Variants in ATP6V0A1 observed in about 807,000 individuals in gnomAD.
ATP6V0A1 encodes the protein V-type proton ATPase 116 kDa subunit a 1.
Under a neutral mutation model 105.4 loss-of-function variants are expected in ATP6V0A1, and 43 were observed. The observed-to-expected ratio is 0.41, with a 90% CI of 0.32 to 0.53. The LOEUF (loss-of-function observed/expected upper bound fraction) is 0.53. Ranked by LOEUF, ATP6V0A1 falls within the 20% of genes least tolerant of loss-of-function variation. The probability of loss-of-function intolerance (pLI) is 0.30; values close to 1 mark genes in which losing one functional copy is unlikely to be tolerated. For missense variants in ATP6V0A1, 676 were observed against 1,051.1 expected (o/e 0.64, Z 4.93); for synonymous variants, 362 against 372.8 (o/e 0.97, Z 0.33).
chr17:42,496,294 T>C (rs2091173891), intron 14 of ATP6V0A1: 1 of 152,200 alleles, frequency 6.6e-6, no homozygotes, highest in Non-Finnish European at 1.5e-5. Context: ...TTCCCATTTC[T>C]TAATTTATTT....
chr17:42,512,779 G>A (rs1375468781), intron 19 of ATP6V0A1, among the ~76,000 whole-genome samples: 2 of 152,222 alleles, frequency 1.3e-5, no homozygotes, highest in Non-Finnish European at 2.9e-5. Context: ...GTGGAATCAC[G>A]TGGGTTTTGA....
intron 11 of ATP6V0A1, among the ~76,000 whole-genome samples, chr17:42,491,334 G>A (rs933620041): frequency 1.3e-5 from 2 of 151,786 alleles, no homozygotes; most frequent in African/African-American, 2.4e-5. Flanking sequence ...TTTTTGAGAC[G>A]GAGTCTCGCT....
intron 8 of ATP6V0A1, 43 bp downstream of exon 8, chr17:42,480,792 C>T: frequency 6.4e-7 from 1 of 1,567,294 alleles, no homozygotes; most frequent in Non-Finnish European, 8.7e-7. Flanking sequence ...AGCCATGCTG[C>T]CCAACTGTTG....
intron 21 of ATP6V0A1, chr17:42,520,537 A>T (rs1158496594): frequency 2.2e-6 from 1 of 456,566 alleles, no homozygotes; most frequent in African/African-American, 2.0e-5. Flanking sequence ...CTTTCCTTGG[A>T]ATTTCCTTCC....
At chr17:42,502,489 TGC>T (rs200354794) in intron 17 of ATP6V0A1, among the ~76,000 whole-genome samples, 10 of 151,766 alleles carry the variant, frequency 6.6e-5, no homozygotes, top group African/African-American at 1.9e-4. Context: ...ATATGAATTC[TGC>T]GCGCGCACAC....
Position 42,493,509 on chromosome 17 carries a change from A to G in ATP6V0A1, c.1175-825A>G, listed in dbSNP as rs371628749. On this transcript the variant is annotated intron_variant, in intron 11 of 21. Transcript: ENST00000343619. ...ACTGTTCTTTGTTTGAAATGTTATC[A>G]GAGCTGCCAGGCACAGTGCCTCATG... is the stretch of plus-strand genomic sequence containing the variant. Among the ~76,000 whole-genome samples the G allele has an allele frequency of 1.1e-4, 16 of 152,330 alleles. 1 individual carries two copies. The East Asian group carries it at 3.1e-3, about 29-fold the overall frequency.
rs1470440733 is a variant in ATP6V0A1, at chr17:42,520,420, G to T, written c.2421-607G>T. 11 of 456,310 alleles carry T rather than the reference G, an allele frequency of 2.4e-5. No homozygotes were observed. The Admixed American group carries it at 2.6e-4, about 11-fold the overall frequency. The allele number at this position is 456,310 out of a possible 1,614,324, so 28.3% of individuals were successfully genotyped here. A position where few individuals can be genotyped will look rare whatever the true frequency, so the allele number is the denominator to read the frequency against. On this transcript the variant is annotated intron_variant, in intron 21 of 21. Transcript: ENST00000343619. Reference sequence around the variant, plus strand: ...CTGAACTGCTGGGAAGGGAGCTCAGGCTTTTTCTTTTTAGTCCCCAAGAGA... The same window carrying T: ...CTGAACTGCTGGGAAGGGAGCTCAGTCTTTTTCTTTTTAGTCCCCAAGAGA...
intron 3 of ATP6V0A1, 110 bp downstream of exon 3, chr17:42,466,617 A>G: frequency 1.0e-6 from 1 of 992,114 alleles, no homozygotes; most frequent in Non-Finnish European, 1.5e-6. Context: ...GAAAAGGGAA[A>G]AATCTTGCAG....
At chr17:42,494,279 G>A in intron 11 of ATP6V0A1, 55 bp from the exon 12 acceptor site, 1 of 1,498,288 alleles carries the variant, frequency 6.7e-7, no homozygotes, top group Non-Finnish European at 9.1e-7. Flanking sequence ...TAATATTTGT[G>A]GAATTGCTAT....
intron 21 of ATP6V0A1, chr17:42,519,300 T>A (rs530819571): frequency 6.6e-6 from 1 of 152,216 alleles, no homozygotes; most frequent in African/African-American, 2.4e-5. Context: ...GTTTGAAGAT[T>A]AGAATGGTTT....
intron 5 of ATP6V0A1, among the ~76,000 whole-genome samples, chr17:42,477,031 C>A (rs1470274736): frequency 6.6e-6 from 1 of 152,168 alleles, no homozygotes; most frequent in Non-Finnish European, 1.5e-5. Context: ...TGAAAGTTCT[C>A]ATATTCTGAA....
chr17:42,460,583 A>T (rs4796665), intron 1 of ATP6V0A1: 261,014 of 267,768 alleles, frequency 0.97, 127,581 homozygotes, highest in East Asian at 1. Context: ...CATTCTTATC[A>T]GTTGAGTTGC....
chr17:42,506,491 G>A (rs538758771), intron 17 of ATP6V0A1, among the ~76,000 whole-genome samples: 2 of 152,356 alleles, frequency 1.3e-5, no homozygotes, highest in Non-Finnish European at 2.9e-5. Flanking sequence ...GAGGAGCGCA[G>A]GGCAGCTGCG....
At chr17:42,460,820 A>G in intron 1 of ATP6V0A1, 28 bp from the exon 2 acceptor site, 1 of 1,271,174 alleles carries the variant, frequency 7.9e-7, no homozygotes, top group Non-Finnish European at 1.1e-6. Flanking sequence ...GTAATTTCCA[A>G]AGTTATGTCA....
At position 42,498,890 on chromosome 17, in the gene ATP6V0A1, T is replaced by C. The variant is rs776497944; in HGVS notation, c.1561-34T>C. ...AATATTTTTCCCTTTGAGAATTCTT[T>C]ATAATACCTATTTGTTTTCTCGGGT... On this transcript the variant is annotated intron_variant, in intron 14 of 21. Transcript: ENST00000343619. The C allele has an allele frequency of 8.6e-6, 12 of 1,393,948 alleles. No homozygotes were observed. The Admixed American group carries it at 1.7e-4, about 19-fold the overall frequency. The allele number at this position is 1,393,948 out of a possible 1,614,324, so 86.3% of individuals were successfully genotyped here.
In ATP6V0A1 at chr17:42,477,757, A is replaced by T; in HGVS notation, c.506+15A>T. On this transcript the variant is annotated intron_variant, in intron 6 of 21. Transcript: ENST00000343619. ...TTAAGACTTGGGTAAGTGCCATGTC[A>T]ACTTTTCGGTATTCAGTGGGGCCAT... The T allele has an allele frequency of 6.3e-7, 1 of 1,594,700 alleles. No homozygotes were observed. The highest frequency in any genetic ancestry group is 8.6e-7 in the Non-Finnish European group (1 of 1,163,254).
chr17:42,516,063 T>C (rs1041620810), intron 21 of ATP6V0A1, among the ~76,000 whole-genome samples: 5 of 152,172 alleles, frequency 3.3e-5, no homozygotes, highest in Non-Finnish European at 5.9e-5. Flanking sequence ...TTTACAAGCA[T>C]AGGGGTCTGA....
chr17:42,497,918 C>T (rs145566587), intron 14 of ATP6V0A1, among the ~76,000 whole-genome samples: 2,904 of 131,980 alleles, frequency 0.022, 50 homozygotes, highest in Non-Finnish European at 0.032. Context: ...GGTGACAGAG[C>T]GAGAGTTCAT....
intron 1 of ATP6V0A1, 61 bp from the exon 2 acceptor site, chr17:42,460,787 G>T: frequency 1.2e-6 from 1 of 840,416 alleles, no homozygotes; most frequent in Non-Finnish European, 2.0e-6. Flanking sequence ...GTAGTGGGGT[G>T]TCATTTGCTC....
Sources: gnomAD v4.1 joint callset for allele counts (sites outside exome capture counted in the v4.1 genomes callset) on GRCh38, gnomAD v4.1.1 for gene constraint, MANE v1.5 for transcripts, NCBI Gene and HGNC (gene_info 2026-07-23, HGNC 2026-07-21) for gene names.